Variants in UBXN2B observed in about 807,000 individuals in gnomAD.
The protein encoded by UBXN2B is UBX domain-containing protein 2B.
A neutral mutation model predicts 37.5 loss-of-function variants in UBXN2B; 19 were observed. The observed-to-expected ratio is 0.51, with a 90% CI of 0.35 to 0.74. The LOEUF is 0.74. Ranked by LOEUF, UBXN2B falls within the 30% of genes least tolerant of loss-of-function variation. The pLI, the probability that UBXN2B is intolerant of heterozygous loss-of-function variation, is 0.01. For missense variants in UBXN2B, 370 were observed against 393.2 expected (o/e 0.94, Z 0.50); for synonymous variants, 145 against 143.8 (o/e 1.01, Z -0.06).
chr8:58,411,487 G>A lies in UBXN2B; in HGVS notation c.84+18G>A. 1 of 1,249,508 alleles carries A rather than the reference G, an allele frequency of 8.0e-7. No individual in the cohort carries two copies. 77.4% of individuals were successfully genotyped at this position (1,249,508 alleles called of 1,614,324 possible). A position where few individuals can be genotyped will look rare whatever the true frequency, so the allele number is the denominator to read the frequency against. ...ATTTGCAGGTGAGGCGAGGAGCCGG[G>A]GGAGGGAGCGCGGCGGTGGACGCGG... is the stretch of plus-strand genomic sequence containing the variant. On this transcript the variant is annotated intron_variant, in intron 1 of 7. Coordinates refer to ENST00000399598, the MANE Select transcript of UBXN2B (RefSeq NM_001077619.2).
intron 1 of UBXN2B, among the ~76,000 whole-genome samples, chr8:58,415,949 GTTC>G (rs1807768028): frequency 6.6e-6 from 1 of 151,528 alleles, no homozygotes; most frequent in African/African-American, 2.4e-5. Context: ...CCAATGCCCT[GTTC>G]TTCTTGGAGG....
At chr8:58,425,708 C>G (rs112634164) in intron 2 of UBXN2B, 4 of 1,168,408 alleles carry the variant, frequency 3.4e-6, no homozygotes, top group African/African-American at 3.0e-5. Context: ...AACATTTATA[C>G]GAGTCGTGTT....
intron 2 of UBXN2B, among the ~76,000 whole-genome samples, chr8:58,422,226 A>G (rs1298835236): frequency 6.6e-6 from 1 of 152,166 alleles, no homozygotes; most frequent in Non-Finnish European, 1.5e-5. Context: ...GAAGCAATTC[A>G]AAGTTCAATG....
intron 2 of UBXN2B, among the ~76,000 whole-genome samples, chr8:58,429,162 T>G (rs1162898061): frequency 6.6e-6 from 1 of 152,210 alleles, no homozygotes. Context: ...GAATGATTAT[T>G]CACTTTGCCA....
chr8:58,424,633 C>T, intron 2 of UBXN2B: 1 of 1,218,330 alleles, frequency 8.2e-7, no homozygotes, highest in Non-Finnish European at 1.2e-6. Flanking sequence ...CGTTTTCATA[C>T]ACTCTAGCAC....
intron 6 of UBXN2B, among the ~76,000 whole-genome samples, chr8:58,440,123 T>G (rs1168017486): frequency 2.6e-5 from 4 of 152,232 alleles, no homozygotes; most frequent in Non-Finnish European, 4.4e-5. Context: ...ATTGTTGAGC[T>G]AAGAAATGAC....
chr8:58,439,310 CT>C (rs1808489395), intron 5 of UBXN2B, among the ~76,000 whole-genome samples: 2 of 152,118 alleles, frequency 1.3e-5, no homozygotes, highest in African/African-American at 4.8e-5. Flanking sequence ...TCCACATTAC[CT>C]TTTTATCCTC....
At chr8:58,432,737 G>A (rs367840934) in intron 3 of UBXN2B, among the ~76,000 whole-genome samples, 6 of 152,232 alleles carry the variant, frequency 3.9e-5, no homozygotes, top group African/African-American at 7.2e-5. Context: ...GAACAGTTAC[G>A]TGTCTTTTGT....
At chr8:58,437,991 G>A (rs1808457656) in intron 5 of UBXN2B, among the ~76,000 whole-genome samples, 1 of 150,548 alleles carries the variant, frequency 6.6e-6, no homozygotes, top group Non-Finnish European at 1.5e-5. Context: ...AGTCCTAGGA[G>A]AAAAGTGTAG....
At position 58,445,908 on chromosome 8, in the gene UBXN2B, C is replaced by CTGAAATAT; in HGVS notation, c.674_675insGAAATATT (p.Thr226LysfsTer7). ...TTGTGTTTAATTCCTCTTTTTTAGCCTTACACCTGAAATAGTCAGTACACC... is the reference window on the plus strand; with the variant it reads ...TTGTGTTTAATTCCTCTTTTTTAGCCTGAAATATTTACACCTGAAATAGTCAGTACACC... On this transcript the variant is annotated frameshift_variant and splice_region_variant, in exon 7 of 8. Coordinates refer to ENST00000399598, the MANE Select transcript of UBXN2B (RefSeq NM_001077619.2). LOFTEE classifies it high-confidence loss of function. The CTGAAATAT allele has an allele frequency of 6.3e-7, 1 of 1,584,510 alleles. No individual in the cohort carries two copies. The highest frequency in any genetic ancestry group is 8.6e-7 in the Non-Finnish European group (1 of 1,168,470).
chr8:58,447,246 A>G (rs1808702502), intron 7 of UBXN2B, 143 bp from the exon 8 acceptor site: 2 of 685,074 alleles, frequency 2.9e-6, no homozygotes, highest in Non-Finnish European at 4.5e-6. Flanking sequence ...TAAATCCTTC[A>G]ATTGAAATAC....
Position 58,416,733 on chromosome 8 carries a change from T to C in UBXN2B, c.85-117T>C, listed in dbSNP as rs991827217. Reference sequence around the variant, plus strand: ...AAGGAATCATCTGAAGCAGCAGCTTTTTTCATGAAAAGTCTTTACCACTCA... The same window carrying C: ...AAGGAATCATCTGAAGCAGCAGCTTCTTTCATGAAAAGTCTTTACCACTCA... On this transcript the variant is annotated intron_variant, in intron 1 of 7. Coordinates refer to ENST00000399598, the MANE Select transcript of UBXN2B (RefSeq NM_001077619.2). 10 of 785,076 alleles carry C rather than the reference T, an allele frequency of 1.3e-5. 2 individuals carry two copies. The highest frequency in any genetic ancestry group is 6.3e-4 in the Middle Eastern group (2 of 3,172). 48.6% of individuals were successfully genotyped at this position (785,076 alleles called of 1,614,324 possible).
At position 58,441,348 on chromosome 8, in the gene UBXN2B, C is replaced by CATATATATATATATATATATATATATAT. The variant is rs33952664; in HGVS notation, c.671+1598_671+1599insATATATATATATATATATATATATATAT. Among the ~76,000 whole-genome samples the CATATATATATATATATATATATATATAT allele has an allele frequency of 7.1e-3, 740 of 103,874 alleles. 17 individuals carry two copies. The highest frequency in any genetic ancestry group is 0.014 in the African/African-American group (355 of 24,576). The allele number at this position is 103,874 out of a possible 152,430, so 68.1% of individuals were successfully genotyped here. A position where few individuals can be genotyped will look rare whatever the true frequency, so the allele number is the denominator to read the frequency against. On this transcript the variant is annotated intron_variant, in intron 6 of 7. Coordinates refer to ENST00000399598, the MANE Select transcript of UBXN2B (RefSeq NM_001077619.2). ...TTTTTACTCCTCTTGTTGTGATCAA[C>CATATATATATATATATATATATATATAT]ATATATATATATATATATATGTATG...
At chr8:58,416,752 C>T in intron 1 of UBXN2B, 98 bp from the exon 2 acceptor site, 1 of 960,480 alleles carries the variant, frequency 1.0e-6, no homozygotes. Flanking sequence ...AAAGTCTTTA[C>T]CACTCAATTT....
rs1163222412 is a variant in UBXN2B, at chr8:58,450,229, T to C, written c.*2678T>C. The C allele has an allele frequency of 6.6e-6, 1 of 152,352 alleles. No homozygotes were observed. The highest frequency in any genetic ancestry group is 1.5e-5 in the Non-Finnish European group (1 of 68,026). The allele number at this position is 152,352 out of a possible 1,614,324, so 9.4% of individuals were successfully genotyped here. On this transcript the variant is annotated 3_prime_UTR_variant, in exon 8 of 8. Transcript: ENST00000399598. ...CCAAATCATCAAGTCCTGGTTTCTT[T>C]ATATTTAACAGGTCTTCCCTCAATC...
At chr8:58,413,896 A>G (rs942026390) in intron 1 of UBXN2B, among the ~76,000 whole-genome samples, 1 of 152,148 alleles carries the variant, frequency 6.6e-6, no homozygotes, top group African/African-American at 2.4e-5. Flanking sequence ...CCAGTGTTCA[A>G]TAGTATTTCT....
chr8:58,445,833 T>C, intron 6 of UBXN2B, 74 bp from the exon 7 acceptor site: 2 of 1,310,374 alleles, frequency 1.5e-6, no homozygotes, highest in Non-Finnish European at 2.0e-6. Flanking sequence ...AGCCATGTTC[T>C]AAGTGTTTAT....
At chr8:58,441,283 T>G (rs917899500) in intron 6 of UBXN2B, among the ~76,000 whole-genome samples, 1 of 150,590 alleles carries the variant, frequency 6.6e-6, no homozygotes, top group African/African-American at 2.5e-5. Context: ...CATGAGCCAC[T>G]ATGCCTGGCC....
At chr8:58,444,767 C>A (rs1040952526) in intron 6 of UBXN2B, among the ~76,000 whole-genome samples, 1 of 152,050 alleles carries the variant, frequency 6.6e-6, no homozygotes, top group African/African-American at 2.4e-5. Context: ...TAATTTTAAC[C>A]TTATGTATAT....
Sources: allele counts gnomAD v4.1 joint callset (sites outside exome capture counted in the v4.1 genomes callset), GRCh38; gene constraint gnomAD v4.1.1; transcripts MANE v1.5; gene names NCBI Gene and HGNC (gene_info 2026-07-23, HGNC 2026-07-21).